CBFB: variants seen among roughly 807,000 people sequenced by gnomAD.
The protein encoded by CBFB is CBF-beta.
CBFB carries 9 observed loss-of-function variants against 30.4 expected under a neutral mutation model. The observed-to-expected ratio is 0.30, with a 90% CI of 0.18 to 0.52. The LOEUF is 0.52. CBFB is among the 20% of genes least tolerant of loss of function. The probability of loss-of-function intolerance (pLI) is 0.97; values close to 1 mark genes in which losing one functional copy is unlikely to be tolerated. For synonymous variants in CBFB, 94 were observed against 84.0 expected, an observed-to-expected ratio of 1.12 and a Z score of -0.65; for missense variants, 170 against 244.0, an observed-to-expected ratio of 0.70 and a Z score of 2.02.
intron 2 of CBFB, among the ~76,000 whole-genome samples, chr16:67,035,079 T>G (rs1966419780): frequency 6.6e-6 from 1 of 151,962 alleles, no homozygotes; most frequent in African/African-American, 2.4e-5. Flanking sequence ...ATGGGAAGTT[T>G]TTTTTGTTTT....
intron 5 of CBFB, among the ~76,000 whole-genome samples, chr16:67,091,993 C>T (rs1257791965): frequency 6.6e-6 from 1 of 152,240 alleles, no homozygotes; most frequent in East Asian, 1.9e-4. Context: ...CCTGCCTCAG[C>T]CTCCCAGTCA....
chr16:67,031,335 T>C (rs1050302515), intron 2 of CBFB, among the ~76,000 whole-genome samples: 5 of 152,222 alleles, frequency 3.3e-5, no homozygotes, highest in East Asian at 1.9e-4. Flanking sequence ...GACATACTTT[T>C]AGGTTTTGGC....
chr16:67,032,008 C>T (rs1046812774), intron 2 of CBFB, among the ~76,000 whole-genome samples: 4 of 152,118 alleles, frequency 2.6e-5, no homozygotes, highest in Admixed American at 6.5e-5. Flanking sequence ...GTTGTATTAT[C>T]ATCACTATCT....
chr16:67,036,897 G>C, intron 3 of CBFB, 142 bp downstream of exon 3: 1 of 589,404 alleles, frequency 1.7e-6, no homozygotes, highest in Non-Finnish European at 3.0e-6. Context: ...TTATAAGGAT[G>C]TAATATAATT....
chr16:67,085,800 C>T (rs1961712700), intron 5 of CBFB, among the ~76,000 whole-genome samples: 1 of 151,610 alleles, frequency 6.6e-6, no homozygotes, highest in Non-Finnish European at 1.5e-5. Flanking sequence ...GCCTCAGCCT[C>T]CCGAGTAGCT....
intron 4 of CBFB, among the ~76,000 whole-genome samples, chr16:67,081,724 G>C (rs1325153807): frequency 6.6e-6 from 1 of 152,012 alleles, no homozygotes; most frequent in East Asian, 1.9e-4. Context: ...GAGAATTGCT[G>C]TAATGGGGTT....
chr16:67,097,197 C>T (rs1334810844), intron 5 of CBFB, among the ~76,000 whole-genome samples: 1 of 152,064 alleles, frequency 6.6e-6, no homozygotes, highest in African/African-American at 2.4e-5. Context: ...TGTGCCACTG[C>T]ACTCCAGTCT....
chr16:67,031,647 A>G (rs1482772186), intron 2 of CBFB, among the ~76,000 whole-genome samples: 1 of 151,716 alleles, frequency 6.6e-6, no homozygotes, highest in Non-Finnish European at 1.5e-5. Flanking sequence ...AGTAGCTGGG[A>G]TTACAGGCAC....
chr16:67,059,183 C>T (rs1276383558), intron 3 of CBFB, among the ~76,000 whole-genome samples: 1 of 152,174 alleles, frequency 6.6e-6, no homozygotes, highest in African/African-American at 2.4e-5. Context: ...TTTAGATATT[C>T]ATAGAATAAG....
At chr16:67,066,083 G>GA (rs980413642) in intron 3 of CBFB, among the ~76,000 whole-genome samples, 1 of 151,780 alleles carries the variant, frequency 6.6e-6, no homozygotes, top group Non-Finnish European at 1.5e-5. Context: ...AAAATAAAAA[G>GA]AAAAAAAGAT....
At chr16:67,035,349 G>A (rs920681059) in intron 2 of CBFB, among the ~76,000 whole-genome samples, 2 of 152,282 alleles carry the variant, frequency 1.3e-5, no homozygotes, top group Admixed American at 1.3e-4. Context: ...CTCCCAAAGG[G>A]CTGGGATTAC....
chr16:67,029,649 C>T (rs890599994), intron 1 of CBFB, 78 bp from the exon 2 acceptor site: 3 of 1,399,294 alleles, frequency 2.1e-6, no homozygotes, highest in Non-Finnish European at 2.0e-6. Context: ...TTGCCCTTAT[C>T]GGCGCTGCGC....
At chr16:67,036,494 A>G (rs1966441849) in intron 2 of CBFB, 145 bp from the exon 3 acceptor site, 1 of 568,516 alleles carries the variant, frequency 1.8e-6, no homozygotes, top group Non-Finnish European at 3.2e-6. Flanking sequence ...CTTAAGAAAA[A>G]TGATGAGTGC....
intron 3 of CBFB, among the ~76,000 whole-genome samples, chr16:67,055,253 T>A (rs535178223): frequency 5.7e-4 from 86 of 152,194 alleles, no homozygotes; most frequent in African/African-American, 2.0e-3. Flanking sequence ...TCTAATTTAT[T>A]CTTAACAGAA....
At chr16:67,048,455 A>G (rs2145727616) in intron 3 of CBFB, among the ~76,000 whole-genome samples, 1 of 152,330 alleles carries the variant, frequency 6.6e-6, no homozygotes, top group South Asian at 2.1e-4. Flanking sequence ...CTTTTTTAAA[A>G]GCTATTTATA....
chr16:67,062,375 G>T (rs1960936563), intron 3 of CBFB, among the ~76,000 whole-genome samples: 1 of 151,380 alleles, frequency 6.6e-6, no homozygotes, highest in Non-Finnish European at 1.5e-5. Context: ...TGCCATGTTG[G>T]CCGGGCTGGT....
At chr16:67,059,090 T>C (rs956564948) in intron 3 of CBFB, among the ~76,000 whole-genome samples, 1 of 152,230 alleles carries the variant, frequency 6.6e-6, no homozygotes, top group Non-Finnish European at 1.5e-5. Context: ...TCATCTCGGC[T>C]ACCTAGAAAC....
intron 2 of CBFB, among the ~76,000 whole-genome samples, chr16:67,032,316 C>A (rs1966365335): frequency 6.6e-6 from 1 of 152,072 alleles, no homozygotes; most frequent in Admixed American, 6.5e-5. Flanking sequence ...CAGAGTGAGA[C>A]CCGGTCTCCA....
intron 4 of CBFB, among the ~76,000 whole-genome samples, chr16:67,078,822 TG>T (rs1961477130): frequency 6.6e-6 from 1 of 152,000 alleles, no homozygotes; most frequent in African/African-American, 2.4e-5. Flanking sequence ...GCTAATTTTT[TG>T]TATTTGTTTT....
Sources: gnomAD v4.1 joint callset for allele counts (sites outside exome capture counted in the v4.1 genomes callset) on GRCh38, gnomAD v4.1.1 for gene constraint, MANE v1.5 for transcripts, NCBI Gene and HGNC (gene_info 2026-07-23, HGNC 2026-07-21) for gene names.